PLEKHO2: variants seen among roughly 807,000 people sequenced by gnomAD.
PLEKHO2 encodes the protein pleckstrin homology domain containing O2.
Under a neutral mutation model 32.7 loss-of-function variants are expected in PLEKHO2, and 20 were observed. The ratio of observed to expected loss-of-function variants is 0.61; its 90% CI spans 0.43 to 0.89. The LOEUF is 0.89. PLEKHO2 is among the 40% of genes least tolerant of loss of function. The probability of loss-of-function intolerance (pLI) is 0.00; values close to 1 mark genes in which losing one functional copy is unlikely to be tolerated. For synonymous variants in PLEKHO2, 247 were observed against 246.3 expected (o/e 1.00, Z -0.03); for missense variants, 568 against 621.2 (o/e 0.91, Z 0.91).
rs762333941 is a variant in PLEKHO2, at chr15:64,865,735, C to T, written c.1320C>T (p.Ala440=). The change falls in exon 6 of 6, where the codon GCC becomes GCT. Residue 440 remains alanine, a synonymous_variant. Coordinates refer to ENST00000323544, the MANE Select transcript of PLEKHO2 (RefSeq NM_025201.5). ...VLGSEPAPVS[A]ETLLSQAVEQ... ...GCAGTGAGCCGGCCCCTGTTAGTGC[C>T]GAAACATTGCTCAGCCAGGCTGTGG... 18 of 1,614,198 alleles carry T rather than the reference C, an allele frequency of 1.1e-5. No homozygotes were observed. Among genetic ancestry groups the T allele is most frequent in the Admixed American group, 6.7e-5 (4 of 60,020 alleles).
intron 3 of PLEKHO2, among the ~76,000 whole-genome samples, chr15:64,857,752 C>T (rs1052770437): frequency 3.9e-5 from 6 of 152,178 alleles, no homozygotes; most frequent in Non-Finnish European, 7.3e-5. Flanking sequence ...CAGAAGAGAG[C>T]CGAGGCAGCC....
rs190297815 is a variant in PLEKHO2 at position 64,843,383 on chromosome 15, C to T, written c.12+1355C>T. On this transcript the variant is annotated intron_variant, in intron 1 of 5. Transcript: ENST00000323544. ...GGCTGTTAGGTGGGGCTGCCATCTG[C>T]CTGCCCCAGGCCCCTGCTGCAAGGG... 4.3e-3 allele frequency among the ~76,000 whole-genome samples: 658 copies of T among 152,318 alleles called. 3 individuals carry two copies. The highest frequency in any genetic ancestry group is 6.6e-3 in the Non-Finnish European group (452 of 68,032).
rs2084700585 is a variant in PLEKHO2, at chr15:64,867,822, C to T, written c.*1934C>T. 1 of 152,256 alleles carries T rather than the reference C, an allele frequency of 6.6e-6. No homozygotes were observed. The highest frequency in any genetic ancestry group is 2.4e-5 in the African/African-American group (1 of 41,466). The allele number at this position is 152,256 out of a possible 1,614,324, so 9.4% of individuals were successfully genotyped here. ...CTATTAATTTCCATCCTTTAGCAGG[C>T]TGGGCCCTAGGCAGGAAGCTGGCTT... is the stretch of plus-strand genomic sequence containing the variant. On this transcript the variant is annotated 3_prime_UTR_variant, in exon 6 of 6. Transcript: ENST00000323544.
At chr15:64,849,971 A>C (rs2084554771) in intron 2 of PLEKHO2, among the ~76,000 whole-genome samples, 2 of 151,250 alleles carry the variant, frequency 1.3e-5, no homozygotes, top group East Asian at 3.9e-4. Flanking sequence ...GACCAGCCTG[A>C]CCAACGTGGA....
rs1232113398 is a variant in PLEKHO2 at position 64,865,365 on chromosome 15, T to C, written c.950T>C (p.Leu317Ser). The C allele has an allele frequency of 1.2e-6, 2 of 1,613,688 alleles. No homozygotes were observed. Among genetic ancestry groups the C allele is most frequent in the South Asian group, 1.1e-5 (1 of 91,056 alleles). ...CCCCCTACACCCCCACCCAAGATCT[T>C]ATCAGAGAAACTGAAAGCCTCCATG... ...GKPPTPPPKILSEKLKASMGE... is the reference protein window; with the variant it reads ...GKPPTPPPKISSEKLKASMGE... Residue 317 changes from leucine to serine, a missense_variant, in exon 6 of 6, where the codon TTA (leucine) becomes TCA (serine). By Grantham distance (145) the Leu-to-Ser change is moderately radical (BLOSUM62 -2). Coordinates refer to ENST00000323544, the MANE Select transcript of PLEKHO2 (RefSeq NM_025201.5).
At chr15:64,862,111 A>G (rs919693939) in intron 5 of PLEKHO2, among the ~76,000 whole-genome samples, 1 of 152,080 alleles carries the variant, frequency 6.6e-6, no homozygotes, top group Non-Finnish European at 1.5e-5. Context: ...GGTTTGAGGT[A>G]TGCGGAGCAG....
In PLEKHO2 at chr15:64,865,991, A is replaced by G; in HGVS notation, c.*103A>G. The G allele has an allele frequency of 1.4e-6, 2 of 1,388,288 alleles. No homozygotes were observed. The highest frequency in any genetic ancestry group is 1.9e-6 in the Non-Finnish European group (2 of 1,040,156). 86.0% of individuals were successfully genotyped at this position (1,388,288 alleles called of 1,614,324 possible). A position where few individuals can be genotyped will look rare whatever the true frequency, so the allele number is the denominator to read the frequency against. On this transcript the variant is annotated 3_prime_UTR_variant, in exon 6 of 6. Transcript: ENST00000323544. Reference sequence around the variant, plus strand: ...CTTCTGCTTCTACAGCAATGGCTGCAGGAGGGCCATTGGGCATGTCAGGGT... The same window carrying G: ...CTTCTGCTTCTACAGCAATGGCTGCGGGAGGGCCATTGGGCATGTCAGGGT...
Position 64,865,661 on chromosome 15 carries a change from G to C in PLEKHO2, c.1246G>C (p.Val416Leu), listed in dbSNP as rs761257299. 9 of 1,614,138 alleles carry C rather than the reference G, an allele frequency of 5.6e-6. No homozygotes were observed. The highest frequency in any genetic ancestry group is 5.9e-6 in the Non-Finnish European group (7 of 1,180,046). The change falls in exon 6 of 6, where the codon GTG becomes CTG. Residue 416 changes from valine (V) to leucine (L), a missense_variant. By Grantham distance (32) the Val-to-Leu change is conservative. Coordinates refer to ENST00000323544, the MANE Select transcript of PLEKHO2 (RefSeq NM_025201.5). ...ACGGCTATATCGGGCCCAGCTGGAG[G>C]TGAAGGTGGCCTCGGAACAGACGGA... ...RERLYRAQLE[V>L]KVASEQTEKL...
chr15:64,856,000 C>T (rs982040669), intron 3 of PLEKHO2, among the ~76,000 whole-genome samples: 4 of 151,886 alleles, frequency 2.6e-5, no homozygotes, highest in Admixed American at 6.6e-5. Context: ...GGGGTGGGGG[C>T]GCAGAAGCAA....
chr15:64,846,881 A>G (rs76573859), intron 1 of PLEKHO2, among the ~76,000 whole-genome samples: 1,705 of 152,340 alleles, frequency 0.011, 8 homozygotes, highest in Non-Finnish European at 0.019. Context: ...GAACTGCTCT[A>G]TATGCTTTGT....
Position 64,865,360 on chromosome 15 carries a change from G to C in PLEKHO2, c.945G>C (p.Lys315Asn). Reference protein sequence around the residue: ...EGGKPPTPPPKILSEKLKASM... With the variant: ...EGGKPPTPPPNILSEKLKASM... ...GGAAGCCCCCTACACCCCCACCCAA[G>C]ATCTTATCAGAGAAACTGAAAGCCT... Residue 315 changes from lysine (K) to asparagine (N), a missense_variant, in exon 6 of 6, where the codon AAG (lysine) becomes AAC (asparagine). Physicochemically the swap from Lys to Asn is moderately conservative, Grantham distance 94. Transcript: ENST00000323544. 6.2e-7 allele frequency: 1 copy of C among 1,613,734 alleles called. No homozygotes were observed.
At chr15:64,848,077 C>T (rs1020186976) in intron 1 of PLEKHO2, among the ~76,000 whole-genome samples, 4 of 152,190 alleles carry the variant, frequency 2.6e-5, no homozygotes, top group Admixed American at 1.3e-4. Flanking sequence ...CCTATTTTCC[C>T]GCACTGTGAG....
intron 1 of PLEKHO2, among the ~76,000 whole-genome samples, chr15:64,844,659 G>A (rs945477190): frequency 2.0e-5 from 3 of 152,130 alleles, no homozygotes; most frequent in Admixed American, 1.3e-4. Context: ...TTTCTGGGCT[G>A]TACTTTCTCT....
rs768925404 is a variant in PLEKHO2, at chr15:64,865,797, T to A, written c.1382T>A (p.Met461Lys). The A allele has an allele frequency of 6.2e-7, 1 of 1,613,584 alleles. No homozygotes were observed. Among genetic ancestry groups the A allele is most frequent in the Non-Finnish European group, 8.5e-7 (1 of 1,179,912 alleles). ...LRQATQVLQE[M>K]RDLGELSQEA... ...CAGGCCACCCAGGTCCTGCAGGAAA[T>A]GAGAGATTTGGGAGAGCTGAGCCAG... The change falls in exon 6 of 6, where the codon ATG becomes AAG. Residue 461 changes from methionine (M) to lysine (K), a missense_variant. Coordinates refer to ENST00000323544, the MANE Select transcript of PLEKHO2 (RefSeq NM_025201.5).
chr15:64,854,273 A>G (rs1265777706), intron 2 of PLEKHO2, among the ~76,000 whole-genome samples: 2 of 152,118 alleles, frequency 1.3e-5, no homozygotes, highest in Admixed American at 1.3e-4. Context: ...CCTCCTAATG[A>G]TGAGGCCTCC....
chr15:64,845,476 C>A lies in PLEKHO2; in HGVS notation c.13-3117C>A, dbSNP rs146400824. Among the ~76,000 whole-genome samples, 776 of 152,018 alleles carry A rather than the reference C, an allele frequency of 5.1e-3. 16 individuals carry two copies. Among genetic ancestry groups the A allele is most frequent in the Admixed American group, 0.041 (627 of 15,268 alleles). On this transcript the variant is annotated intron_variant, in intron 1 of 5. Coordinates refer to ENST00000323544, the MANE Select transcript of PLEKHO2 (RefSeq NM_025201.5). ...AAAACTTACTGGGGCATAGCCAGGC[C>A]CCCCTGGAGGGAGGGGGTCTGAGGG...
chr15:64,851,599 G>A (rs1489257028), intron 2 of PLEKHO2, among the ~76,000 whole-genome samples: 1 of 152,154 alleles, frequency 6.6e-6, no homozygotes, highest in East Asian at 1.9e-4. Context: ...AGGCGAATGC[G>A]AATGGCTCTT....
chr15:64,857,626 G>T (rs1393176942), intron 3 of PLEKHO2, among the ~76,000 whole-genome samples: 1 of 152,150 alleles, frequency 6.6e-6, no homozygotes, highest in Non-Finnish European at 1.5e-5. Context: ...CAGATACAGG[G>T]TTCCTTAGGA....
intron 3 of PLEKHO2, among the ~76,000 whole-genome samples, chr15:64,856,731 G>C (rs2084608585): frequency 6.6e-6 from 1 of 152,168 alleles, no homozygotes; most frequent in African/African-American, 2.4e-5. Flanking sequence ...GTGCATCCTG[G>C]TTCCAGCTCA....
Sources: allele counts gnomAD v4.1 joint callset (sites outside exome capture counted in the v4.1 genomes callset), GRCh38; gene constraint gnomAD v4.1.1; transcripts MANE v1.5; gene names NCBI Gene and HGNC (gene_info 2026-07-23, HGNC 2026-07-21).